Variants in STXBP4 observed in about 807,000 individuals in gnomAD.
STXBP4 encodes the protein syntaxin binding protein 4.
In STXBP4, 55 loss-of-function variants were observed where a neutral mutation model predicts 76.1. The ratio of observed to expected loss-of-function variants is 0.72; its 90% CI spans 0.58 to 0.91. STXBP4 has a LOEUF of 0.91. STXBP4 is among the 40% of genes least tolerant of loss of function. The pLI is 0.00. For synonymous variants in STXBP4, 201 were observed against 220.2 expected (o/e 0.91, Z 0.77); for missense variants, 618 against 636.9 (o/e 0.97, Z 0.32).
intron 16 of STXBP4, among the ~76,000 whole-genome samples, chr17:55,140,584 T>G (rs1031449867): frequency 1.1e-4 from 16 of 152,208 alleles, no homozygotes; most frequent in Admixed American, 3.3e-4. Context: ...CTGCCTCAAC[T>G]TGGGGCTGTT....
intron 17 of STXBP4, among the ~76,000 whole-genome samples, chr17:55,147,965 A>C (rs2080175477): frequency 6.6e-6 from 1 of 152,212 alleles, no homozygotes; most frequent in South Asian, 2.1e-4. Flanking sequence ...TATTGCTAGC[A>C]CATGACAGGA....
chr17:55,178,400 C>G (rs935469858), downstream of STXBP4, among the ~76,000 whole-genome samples: 6 of 152,160 alleles, frequency 3.9e-5, no homozygotes, highest in Non-Finnish European at 8.8e-5. Flanking sequence ...AGCTATATGG[C>G]CTTAATAAAG....
At chr17:55,064,564 G>A (rs189219808) in intron 12 of STXBP4, among the ~76,000 whole-genome samples, 256 of 152,072 alleles carry the variant, frequency 1.7e-3, no homozygotes, top group African/African-American at 5.5e-3. Context: ...GCACAATCTC[G>A]GCTACTGCAA....
chr17:54,984,500 C>T (rs2077597924), intron 1 of STXBP4, among the ~76,000 whole-genome samples: 1 of 151,776 alleles, frequency 6.6e-6, no homozygotes, highest in Admixed American at 6.6e-5. Flanking sequence ...TGCCACCACG[C>T]CCGGCTAATT....
At chr17:55,009,786 A>G (rs952733943) in intron 8 of STXBP4, among the ~76,000 whole-genome samples, 1 of 152,128 alleles carries the variant, frequency 6.6e-6, no homozygotes, top group Admixed American at 6.5e-5. Context: ...TGAAATCTAC[A>G]TTAGCATCTA....
rs990340526 is a variant in STXBP4 at position 55,168,389 on chromosome 17, A to C, written c.*8478A>C. 1 of 152,154 alleles carries C rather than the reference A, an allele frequency of 6.6e-6. No individual in the cohort carries two copies. The highest frequency in any genetic ancestry group is 1.5e-5 in the Non-Finnish European group (1 of 68,024). 9.4% of individuals were successfully genotyped at this position (152,154 alleles called of 1,614,324 possible). On this transcript the variant is annotated 3_prime_UTR_variant, in exon 18 of 18. Transcript: ENST00000376352. Reference sequence around the variant, plus strand: ...ACAAATGGAAAGTGAGAAGTCTATGAAGTTACCTTAGTTTTTCCAATTAAG... The same window carrying C: ...ACAAATGGAAAGTGAGAAGTCTATGCAGTTACCTTAGTTTTTCCAATTAAG...
downstream of STXBP4, among the ~76,000 whole-genome samples, chr17:55,175,805 G>C (rs894423724): frequency 6.6e-6 from 1 of 152,118 alleles, no homozygotes; most frequent in East Asian, 1.9e-4. Flanking sequence ...AAGAGATGAG[G>C]CCATCCCAAT....
chr17:55,121,915 A>G (rs1449839049), intron 16 of STXBP4, among the ~76,000 whole-genome samples: 1 of 152,150 alleles, frequency 6.6e-6, no homozygotes, highest in African/African-American at 2.4e-5. Flanking sequence ...CGAAATGTGT[A>G]GGGATCAGCC....
chr17:55,160,982 G>T lies in STXBP4; in HGVS notation c.*1071G>T, dbSNP rs971385575. The T allele has an allele frequency of 1.3e-5, 2 of 152,296 alleles. No individual in the cohort carries two copies. The highest frequency in any genetic ancestry group is 1.9e-4 in the East Asian group (1 of 5,150). The allele number at this position is 152,296 out of a possible 1,614,324, so 9.4% of individuals were successfully genotyped here. A position where few individuals can be genotyped will look rare whatever the true frequency, so the allele number is the denominator to read the frequency against. On this transcript the variant is annotated 3_prime_UTR_variant, in exon 18 of 18. Coordinates refer to ENST00000376352, the MANE Select transcript of STXBP4 (RefSeq NM_178509.6). ...GAGAGGTATCTGTTAAAACATTACT[G>T]CTCTACTCGAAACAAGATGGAAGCC... is the stretch of plus-strand genomic sequence containing the variant.
the STXBP4 span, among the ~76,000 whole-genome samples, chr17:55,207,733 T>C: frequency 6.6e-6 from 1 of 152,284 alleles, no homozygotes; most frequent in Non-Finnish European, 1.5e-5. Context: ...TCTGAAACAA[T>C]AGGAAATATC....
the STXBP4 span, among the ~76,000 whole-genome samples, chr17:55,188,595 A>G: frequency 6.6e-6 from 1 of 152,206 alleles, no homozygotes; most frequent in African/African-American, 2.4e-5. Context: ...CTGCCATTCC[A>G]TTCTCAGTGA....
At chr17:55,114,772 G>C (rs1393253046) in intron 16 of STXBP4, among the ~76,000 whole-genome samples, 1 of 151,904 alleles carries the variant, frequency 6.6e-6, no homozygotes, top group East Asian at 1.9e-4. Flanking sequence ...TTCCCTCTTA[G>C]CTTCATGATT....
intron 8 of STXBP4, among the ~76,000 whole-genome samples, chr17:55,014,931 G>A (rs1055217944): frequency 2.7e-5 from 4 of 150,786 alleles, no homozygotes; most frequent in East Asian, 1.9e-4. Context: ...TTTTTGTCCC[G>A]TTTGTCCCGT....
chr17:55,090,855 CTGTGTGTGTGTGTG>C (rs57750914), intron 16 of STXBP4, among the ~76,000 whole-genome samples: 103 of 147,410 alleles, frequency 7.0e-4, no homozygotes, highest in Middle Eastern at 3.4e-3. Flanking sequence ...GTGTGTGTGT[CTGTGTGTGTGTGTG>C]TGTGTGTGTG....
the STXBP4 span, among the ~76,000 whole-genome samples, chr17:55,197,660 G>A: frequency 3.9e-5 from 6 of 151,986 alleles, no homozygotes; most frequent in African/African-American, 7.2e-5. Flanking sequence ...GGAGAATGCC[G>A]TGAACTGGGG....
At chr17:55,115,986 G>C (rs2079776027) in intron 16 of STXBP4, among the ~76,000 whole-genome samples, 1 of 151,818 alleles carries the variant, frequency 6.6e-6, no homozygotes, top group African/African-American at 2.4e-5. Flanking sequence ...TGTTGAGGAG[G>C]TTGTAGTTTG....
At chr17:54,980,719 G>C (rs2077538787) in intron 1 of STXBP4, among the ~76,000 whole-genome samples, 1 of 152,146 alleles carries the variant, frequency 6.6e-6, no homozygotes, top group Non-Finnish European at 1.5e-5. Flanking sequence ...TTTTCCTTTT[G>C]ATTCAGTTCT....
At chr17:55,060,520 T>C (rs944031343) in intron 12 of STXBP4, among the ~76,000 whole-genome samples, 1 of 152,120 alleles carries the variant, frequency 6.6e-6, no homozygotes, top group Non-Finnish European at 1.5e-5. Flanking sequence ...CCCATGTAAA[T>C]TCCTTAAGCA....
Position 55,000,928 on chromosome 17 carries a change from C to A in STXBP4, c.574+45C>A, listed in dbSNP as rs78944248. 9,896 of 1,290,244 alleles carry A rather than the reference C, an allele frequency of 7.7e-3. 223 individuals are homozygous for A. Among genetic ancestry groups the A allele is most frequent in the African/African-American group, 0.058 (3,913 of 67,864 alleles). The allele number at this position is 1,290,244 out of a possible 1,614,324, so 79.9% of individuals were successfully genotyped here. On this transcript the variant is annotated intron_variant, in intron 7 of 17. Transcript: ENST00000376352. ...CTATTTCCTGTTTTTTATTTCAATT[C>A]TCTCTCAATGAGGAGTGTGTAATGT...
Sources: allele counts gnomAD v4.1 joint callset (sites outside exome capture counted in the v4.1 genomes callset), GRCh38; gene constraint gnomAD v4.1.1; transcripts MANE v1.5; gene names NCBI Gene and HGNC (gene_info 2026-07-23, HGNC 2026-07-21).